The following CSMD1 variants were observed in gnomAD, a reference collection of about 807,000 sequenced individuals.
CSMD1 encodes CUB and sushi domain-containing protein 1.
In CSMD1, 213 loss-of-function variants were observed where a neutral mutation model predicts 417.5. The observed-to-expected ratio is 0.51, with a 90% CI of 0.46 to 0.57. The LOEUF is 0.57. Among genes scored for constraint, CSMD1 ranks in the 20% least tolerant of loss-of-function variants. The probability of loss-of-function intolerance (pLI) is 0.00; values close to 1 mark genes in which losing one functional copy is unlikely to be tolerated. For missense variants in CSMD1, 6,923 were observed against 4,529.7 expected (o/e 1.53, Z -15.17); for synonymous variants, 2,862 against 1,736.8 (o/e 1.65, Z -16.11).
At chr8:4,907,540 G>C (rs556287853) in intron 1 of CSMD1, among the ~76,000 whole-genome samples, 14 of 99,330 alleles carry the variant, frequency 1.4e-4, no homozygotes, top group Admixed American at 7.5e-4. Flanking sequence ...ATTATTTTTG[G>C]TTTGTGTTTC....
At chr8:3,043,385 C>T (rs958090799) in intron 50 of CSMD1, among the ~76,000 whole-genome samples, 4 of 152,026 alleles carry the variant, frequency 2.6e-5, no homozygotes, top group Admixed American at 6.5e-5. Flanking sequence ...GTCACTATAG[C>T]GATAGGTTTC....
At chr8:3,597,413 G>A (rs918150308) in intron 8 of CSMD1, among the ~76,000 whole-genome samples, 1 of 75,004 alleles carries the variant, frequency 1.3e-5, no homozygotes, top group Non-Finnish European at 2.3e-5. Context: ...CCCAAATAAA[G>A]TAGGGAACTA....
chr8:4,767,789 G>C (rs1370610285), intron 1 of CSMD1, among the ~76,000 whole-genome samples: 2 of 152,086 alleles, frequency 1.3e-5, no homozygotes, highest in African/African-American at 4.8e-5. Context: ...TTAAGGGGTT[G>C]GTGTTCCCAA....
At chr8:4,452,800 C>CA (rs897641692) in intron 2 of CSMD1, among the ~76,000 whole-genome samples, 1 of 151,926 alleles carries the variant, frequency 6.6e-6, no homozygotes, top group African/African-American at 2.4e-5. Context: ...GGATTAATAA[C>CA]AAAAATCCCC....
At chr8:4,422,502 C>CA (rs1797306309) in intron 2 of CSMD1, among the ~76,000 whole-genome samples, 1 of 152,096 alleles carries the variant, frequency 6.6e-6, no homozygotes. Flanking sequence ...TCCCTGGACA[C>CA]ATACTGAGAA....
chr8:4,905,588 G>C (rs529475076), intron 1 of CSMD1, among the ~76,000 whole-genome samples: 5 of 151,868 alleles, frequency 3.3e-5, no homozygotes, highest in Non-Finnish European at 5.9e-5. Flanking sequence ...GGGAGGCCAA[G>C]GTGGGCCCAT....
intron 26 of CSMD1, among the ~76,000 whole-genome samples, chr8:3,256,981 G>A (rs974723720): frequency 2.0e-5 from 3 of 152,160 alleles, no homozygotes; most frequent in Non-Finnish European, 4.4e-5. Context: ...TAAAATATTT[G>A]TAAGAGAATT....
chr8:4,579,768 G>A (rs1563304880), intron 2 of CSMD1, among the ~76,000 whole-genome samples: 1 of 152,080 alleles, frequency 6.6e-6, no homozygotes, highest in Non-Finnish European at 1.5e-5. Flanking sequence ...TTTTACAGGT[G>A]AATTTCCAAT....
At chr8:4,653,797 G>C (rs1173308012) in intron 1 of CSMD1, among the ~76,000 whole-genome samples, 1 of 152,078 alleles carries the variant, frequency 6.6e-6, no homozygotes, top group Non-Finnish European at 1.5e-5. Flanking sequence ...AATTTGAAGG[G>C]AGGCATTTGC....
intron 41 of CSMD1, among the ~76,000 whole-genome samples, chr8:3,121,634 C>T (rs1283988145): frequency 6.6e-6 from 1 of 152,136 alleles, no homozygotes; most frequent in Non-Finnish European, 1.5e-5. Flanking sequence ...CTTTTACCTA[C>T]TATCTAAAGA....
intron 4 of CSMD1, among the ~76,000 whole-genome samples, chr8:4,018,915 A>T (rs542540659): frequency 6.6e-6 from 1 of 152,296 alleles, no homozygotes; most frequent in South Asian, 2.1e-4. Flanking sequence ...TTGTCATGAA[A>T]GTTAATAACA....
chr8:3,199,388 C>T (rs944490922), intron 33 of CSMD1, among the ~76,000 whole-genome samples: 11 of 151,934 alleles, frequency 7.2e-5, no homozygotes, highest in Admixed American at 3.3e-4. Context: ...TTTCAAAATA[C>T]GTAATTAGAT....
chr8:4,735,598 A>C (rs1389050987), intron 1 of CSMD1, among the ~76,000 whole-genome samples: 1 of 152,196 alleles, frequency 6.6e-6, no homozygotes, highest in Non-Finnish European at 1.5e-5. Context: ...AAAGACAATT[A>C]CTAAATATAA....
intron 33 of CSMD1, among the ~76,000 whole-genome samples, chr8:3,198,876 A>G (rs916029064): frequency 6.6e-6 from 1 of 151,970 alleles, no homozygotes; most frequent in African/African-American, 2.4e-5. Context: ...AACAGTGGCC[A>G]TTAGTATCTG....
intron 28 of CSMD1, among the ~76,000 whole-genome samples, chr8:3,221,582 T>TC (rs890475482): frequency 1.1e-4 from 17 of 150,948 alleles, no homozygotes; most frequent in Non-Finnish European, 2.1e-4. Flanking sequence ...CCATCTGCTC[T>TC]CTTTTTTTTT....
chr8:4,802,267 C>A (rs1286644519), intron 1 of CSMD1, among the ~76,000 whole-genome samples: 2 of 152,098 alleles, frequency 1.3e-5, no homozygotes, highest in Non-Finnish European at 2.9e-5. Context: ...CTCTGCCTGC[C>A]TCAGCCAAGG....
At chr8:4,102,693 A>G (rs1403540104) in intron 3 of CSMD1, among the ~76,000 whole-genome samples, 2 of 152,206 alleles carry the variant, frequency 1.3e-5, no homozygotes, top group Non-Finnish European at 2.9e-5. Context: ...TTTACTGATA[A>G]TGTTCTCCTA....
At position 3,513,662 on chromosome 8, in the gene CSMD1, A is replaced by G. The variant is rs530230338; in HGVS notation, c.1345-19936T>C. On this transcript the variant is annotated intron_variant, in intron 10 of 69. Coordinates refer to ENST00000635120, the MANE Select transcript of CSMD1 (RefSeq NM_033225.6). ...CATCATCTAAGACAGTCTACCAGCC[A>G]ATATGCCAGCAGGTCCACAAAATAT... Among the ~76,000 whole-genome samples the G allele has an allele frequency of 7.2e-5, 11 of 152,312 alleles. No individual in the cohort carries two copies. In the South Asian group the frequency reaches 2.3e-3, roughly 32 times the overall value.
At position 4,360,511 on chromosome 8, in the gene CSMD1, A is replaced by G. The variant is rs532690228; in HGVS notation, c.415+59442T>C. ...TCCTGTTCCTCCCAGGTTCTTTGAG[A>G]TGGAGTCTGGCTCTGTCGCCCAGGC... On this transcript the variant is annotated intron_variant, in intron 3 of 69. Coordinates refer to ENST00000635120, the MANE Select transcript of CSMD1 (RefSeq NM_033225.6). 3.9e-5 allele frequency among the ~76,000 whole-genome samples: 6 copies of G among 152,226 alleles called. No individual in the cohort carries two copies. The South Asian group carries it at 1.2e-3, about 32-fold the overall frequency.
Sources: allele counts gnomAD v4.1 joint callset (sites outside exome capture counted in the v4.1 genomes callset), GRCh38; gene constraint gnomAD v4.1.1; transcripts MANE v1.5; gene names NCBI Gene and HGNC (gene_info 2026-07-23, HGNC 2026-07-21).